Variants in SLC5A10 observed in about 807,000 individuals in gnomAD.
SLC5A10 encodes sodium/mannose cotransporter SLC5A10.
SLC5A10 carries 55 observed loss-of-function variants against 68.9 expected under a neutral mutation model. The observed-to-expected ratio is 0.80, with a 90% confidence interval of 0.64 to 1.00. SLC5A10 has a LOEUF of 1.00. SLC5A10 is among the 50% of genes least tolerant of loss of function. The pLI, the probability that SLC5A10 is intolerant of heterozygous loss-of-function variation, is 0.00. For missense variants in SLC5A10, 732 were observed against 819.3 expected (o/e 0.89, Z 1.30); for synonymous variants, 344 against 344.8 (o/e 1.00, Z 0.02).
chr17:18,996,800 T>C lies in SLC5A10; in HGVS notation c.983-16610T>C, dbSNP rs2043581462. ...AGGCTTTTCTCCTAATGGGGGACCC[T>C]GTGTCCATTCCAACCTCTGAACCCA... On this transcript the variant is annotated intron_variant, in intron 9 of 14. Coordinates refer to ENST00000395645, the MANE Select transcript of SLC5A10 (RefSeq NM_001042450.4). This position sits in a 1 kb window ranked among gnomAD's most constrained non-coding sequence, Gnocchi z 4.4. Among the ~76,000 whole-genome samples, 1 of 152,198 alleles carries C rather than the reference T, an allele frequency of 6.6e-6. No homozygotes were observed. The highest frequency in any genetic ancestry group is 2.4e-5 in the African/African-American group (1 of 41,452).
intron 9 of SLC5A10, chr17:18,979,459 C>T (rs985532695): frequency 2.7e-6 from 4 of 1,496,524 alleles, no homozygotes; most frequent in Admixed American, 2.0e-5. Flanking sequence ...GACCAATGAA[C>T]CGGAATAACC....
intron 9 of SLC5A10, among the ~76,000 whole-genome samples, chr17:19,006,411 T>C (rs1359647950): frequency 6.9e-6 from 1 of 145,438 alleles, no homozygotes; most frequent in Non-Finnish European, 1.6e-5. Flanking sequence ...TTCTTTTTTT[T>C]TTTTTTTTGT....
chr17:18,955,022 G>T (rs1247199935), intron 1 of SLC5A10, among the ~76,000 whole-genome samples: 1 of 150,514 alleles, frequency 6.6e-6, no homozygotes, highest in Non-Finnish European at 1.5e-5. Flanking sequence ...GAAGGCGGAG[G>T]TCGCAATGAG....
chr17:19,012,194 G>A (rs1239148577), intron 9 of SLC5A10, among the ~76,000 whole-genome samples: 4 of 135,230 alleles, frequency 3.0e-5, no homozygotes, highest in Admixed American at 2.1e-4. Context: ...TCATCCCTAC[G>A]TATCACTAGG....
intron 9 of SLC5A10, chr17:18,978,658 G>A (rs367658769): frequency 1.1e-4 from 185 of 1,612,850 alleles, no homozygotes; most frequent in Non-Finnish European, 1.5e-4. Context: ...CAGTGCCCGC[G>A]GGCACCAGGG....
chr17:18,979,803 A>G (rs1299459146), intron 9 of SLC5A10: 2 of 1,036,320 alleles, frequency 1.9e-6, no homozygotes, highest in Admixed American at 2.1e-5. Flanking sequence ...AGAGGCTGTA[A>G]GGCCTGGAGA....
Position 18,971,051 on chromosome 17 carries a change from GCCTAC to G in SLC5A10, c.680_684del (p.Ala227GlyfsTer101). Reference sequence around the variant, plus strand: ...CGGTGGTTACGGGCAGCTGGAGGCAGCCTACGCCCAGGCCATTCCCTCCAGGACCA... The same window carrying G: ...CGGTGGTTACGGGCAGCTGGAGGCAGGCCCAGGCCATTCCCTCCAGGACCA... On this transcript the variant is annotated frameshift_variant, in exon 8 of 15. Transcript: ENST00000395645. LOFTEE classifies it high-confidence loss of function. This position sits in a 1 kb window ranked among gnomAD's most constrained non-coding sequence, Gnocchi z 5.5. 1 of 1,613,988 alleles carries G rather than the reference GCCTAC, an allele frequency of 6.2e-7. No homozygotes were observed. Among genetic ancestry groups the G allele is most frequent in the Non-Finnish European group, 8.5e-7 (1 of 1,180,024 alleles).
At chr17:18,963,659 C>A (rs1366778808) in intron 5 of SLC5A10, among the ~76,000 whole-genome samples, 1 of 152,228 alleles carries the variant, frequency 6.6e-6, no homozygotes, top group African/African-American at 2.4e-5. Context: ...CATCCAGCAC[C>A]CGTCCCAGCC....
At chr17:18,979,970 A>G (rs1216988820) in intron 9 of SLC5A10, among the ~76,000 whole-genome samples, 1 of 152,150 alleles carries the variant, frequency 6.6e-6, no homozygotes, top group Non-Finnish European at 1.5e-5. Context: ...TCAGGCAGGA[A>G]AAGGCTTACA....
chr17:18,959,806 C>T (rs1192478414), intron 4 of SLC5A10, 143 bp downstream of exon 4: 11 of 683,146 alleles, frequency 1.6e-5, no homozygotes, highest in Non-Finnish European at 2.8e-5. Context: ...ACTAATATTT[C>T]TATCAACCTG....
chr17:19,002,590 C>T (rs2152142249), intron 9 of SLC5A10, among the ~76,000 whole-genome samples: 1 of 152,366 alleles, frequency 6.6e-6, no homozygotes, highest in African/African-American at 2.4e-5. Context: ...CTTCAGAATC[C>T]TTCTCAACAC....
rs753196215 is a variant in SLC5A10, at chr17:19,019,601, G to A, written c.1410+10G>A. 3.8e-5 allele frequency: 61 copies of A among 1,610,084 alleles called. No homozygotes were observed. The highest frequency in any genetic ancestry group is 3.3e-4 in the Middle Eastern group (2 of 6,060). On this transcript the variant is annotated intron_variant, in intron 12 of 14. Transcript: ENST00000395645. ...ACGTGCCAACGAGCAGGTGGGCGTC[G>A]GCGGTCTGCTCTCCCTGGGGACGTG...
At chr17:18,958,878 G>A in intron 2 of SLC5A10, 125 bp downstream of exon 2, 1 of 1,146,156 alleles carries the variant, frequency 8.7e-7, no homozygotes, top group South Asian at 1.4e-5. Context: ...GAGGCTGGCA[G>A]GAGGTCCCCA....
rs768462645 is a variant in SLC5A10 at position 18,959,231 on chromosome 17, G to A, written c.280G>A (p.Glu94Lys). 7.4e-6 allele frequency: 12 copies of A among 1,612,944 alleles called. No individual in the cohort carries two copies. The highest frequency in any genetic ancestry group is 6.7e-5 in the East Asian group (3 of 44,898). The change falls in exon 3 of 15, where the codon GAG becomes AAG. Residue 94 changes from glutamate to lysine, a missense_variant. Physicochemically the swap from Glu to Lys is moderately conservative, Grantham distance 56. Transcript: ENST00000395645. ...AGGAGGTCTGGCCGTGGCAGGCTTC[G>A]AGTGGAATGTGAGTCCTGGAGGACT... ...AAGGLAVAGF[E>K]WNATYVLLAL...
Position 19,004,268 on chromosome 17 carries a change from G to T in SLC5A10, c.983-9142G>T. 1 of 528,908 alleles carries T rather than the reference G, an allele frequency of 1.9e-6. No homozygotes were observed. Among genetic ancestry groups the T allele is most frequent in the South Asian group, 2.3e-5 (1 of 42,620 alleles). 32.8% of individuals were successfully genotyped at this position (528,908 alleles called of 1,614,324 possible). On this transcript the variant is annotated intron_variant, in intron 9 of 14. Coordinates refer to ENST00000395645, the MANE Select transcript of SLC5A10 (RefSeq NM_001042450.4). The surrounding 1 kb of genome is among the most constrained non-coding windows in gnomAD (Gnocchi z 5.4). The stretch of plus-strand genomic sequence containing the variant: ...CCGGGAACTCAGGTGGGCGTGGGAA[G>T]GACGGGGCTGGGGCTGGGGCTGGGA...
At chr17:18,952,992 T>C (rs2042403438) in intron 1 of SLC5A10, among the ~76,000 whole-genome samples, 1 of 151,978 alleles carries the variant, frequency 6.6e-6, no homozygotes, top group Non-Finnish European at 1.5e-5. Flanking sequence ...TGAGGGAAGG[T>C]GGACACAGCC....
At position 19,013,518 on chromosome 17, in the gene SLC5A10, G is replaced by A. The variant is rs950165112; in HGVS notation, c.1090+1G>A. ...CTGGTCATGGAACTGATGCCCATCG[G>A]TGAGGCTGTGTGGGTGGGGGTCTGG... On this transcript the variant is annotated splice_donor_variant, in intron 10 of 14. Coordinates refer to ENST00000395645, the MANE Select transcript of SLC5A10 (RefSeq NM_001042450.4). LOFTEE classifies it high-confidence loss of function. 6.8e-7 allele frequency: 1 copy of A among 1,472,996 alleles called. No homozygotes were observed. The highest frequency in any genetic ancestry group is 9.0e-7 in the Non-Finnish European group (1 of 1,110,660). 91.2% of individuals were successfully genotyped at this position (1,472,996 alleles called of 1,614,324 possible). A position where few individuals can be genotyped will look rare whatever the true frequency, so the allele number is the denominator to read the frequency against.
chr17:19,015,410 T>G (rs967882564), intron 11 of SLC5A10, among the ~76,000 whole-genome samples: 12 of 152,084 alleles, frequency 7.9e-5, no homozygotes, highest in African/African-American at 2.9e-4. Context: ...CTGGGATGCA[T>G]CTCCACCCTT....
intron 9 of SLC5A10, among the ~76,000 whole-genome samples, chr17:18,991,675 C>T (rs375711734): frequency 6.3e-4 from 96 of 152,184 alleles, no homozygotes; most frequent in African/African-American, 2.3e-3. Flanking sequence ...GCATGGCAGG[C>T]GGGCACGTGT....
Sources: gnomAD v4.1 joint callset for allele counts (sites outside exome capture counted in the v4.1 genomes callset) on GRCh38, gnomAD v4.1.1 for gene constraint, Gnocchi (gnomAD v3.1) non-coding constraint, MANE v1.5 for transcripts, NCBI Gene and HGNC (gene_info 2026-07-23, HGNC 2026-07-21) for gene names.